Variants in SH3TC1 observed in about 807,000 individuals in gnomAD.
The protein encoded by SH3TC1 is SH3 domain and tetratricopeptide repeats 1, also known as SH3 domain and tetratricopeptide repeat-containing protein 1.
SH3TC1 carries 135 observed loss-of-function variants against 117.3 expected under a neutral mutation model. The ratio of observed to expected loss-of-function variants is 1.15; its 90% CI spans 1.00 to 1.33. The LOEUF is 1.33. Among genes scored for constraint, SH3TC1 ranks in the 40% most tolerant of loss-of-function variants. SH3TC1 has a pLI of 0.00. For missense variants in SH3TC1, 2,092 were observed against 1,794.3 expected (o/e 1.17, Z -3.00); for synonymous variants, 898 against 816.9 (o/e 1.10, Z -1.69).
chr4:8,205,757 G>C lies in SH3TC1; in HGVS notation c.172+391G>C. 1 of 670,266 alleles carries C rather than the reference G, an allele frequency of 1.5e-6. No individual in the cohort carries two copies. The highest frequency in any genetic ancestry group is 2.7e-6 in the Non-Finnish European group (1 of 363,860). 41.5% of individuals were successfully genotyped at this position (670,266 alleles called of 1,614,324 possible). A position where few individuals can be genotyped will look rare whatever the true frequency, so the allele number is the denominator to read the frequency against. ...TTCTCCAGGAGGCACCCAAGGTGCA[G>C]AGAGGGAAGGGCCGGGCCAGGCCAC... On this transcript the variant is annotated intron_variant, in intron 2 of 17. Coordinates refer to ENST00000245105, the MANE Select transcript of SH3TC1 (RefSeq NM_018986.5). This position sits in a 1 kb window ranked among gnomAD's most constrained non-coding sequence, Gnocchi z 5.4.
Position 8,227,328 on chromosome 4 carries a change from A to G in SH3TC1, c.1634A>G (p.Gln545Arg). 1 of 1,608,122 alleles carries G rather than the reference A, an allele frequency of 6.2e-7. No homozygotes were observed. The highest frequency in any genetic ancestry group is 8.5e-7 in the Non-Finnish European group (1 of 1,177,998). ...DEEELTGRLAQARGAAKKAGL... is the reference protein window; with the variant it reads ...DEEELTGRLARARGAAKKAGL... ...GAGGAGCTGACTGGGCGCCTGGCACAGGCCCGGGGGGCGGCCAAGAAAGCT... is the reference window on the plus strand; with the variant it reads ...GAGGAGCTGACTGGGCGCCTGGCACGGGCCCGGGGGGCGGCCAAGAAAGCT... The change falls in exon 12 of 18, where the codon CAG (glutamine) becomes CGG (arginine). Residue 545 changes from glutamine to arginine, a missense_variant. Coordinates refer to ENST00000245105, the MANE Select transcript of SH3TC1 (RefSeq NM_018986.5).
At chr4:8,222,727 G>C (rs1452895790) in intron 9 of SH3TC1, 113 bp from the exon 10 acceptor site, 2 of 1,335,466 alleles carry the variant, frequency 1.5e-6, no homozygotes, top group Non-Finnish European at 2.1e-6. Context: ...CCTGGGCAGA[G>C]AGTAGTGCTC....
chr4:8,229,752 A>T (rs1720965264), intron 12 of SH3TC1, among the ~76,000 whole-genome samples: 1 of 151,960 alleles, frequency 6.6e-6, no homozygotes, highest in Admixed American at 6.5e-5. Flanking sequence ...CCATTCTCTG[A>T]CTGCAAGGAG....
chr4:8,228,312 T>C lies in SH3TC1; in HGVS notation c.2618T>C (p.Leu873Pro). The change falls in exon 12 of 18, where the codon CTG becomes CCG. Residue 873 changes from leucine (L) to proline (P), a missense_variant. Transcript: ENST00000245105. ...GVIANMVAVALKRTGRTRQAA... is the reference protein window; with the variant it reads ...GVIANMVAVAPKRTGRTRQAA... ...ATTGCCAACATGGTGGCCGTGGCTC[T>C]GAAGAGGACGGGCCGGACGAGGCAG... 6.2e-7 allele frequency: 1 copy of C among 1,612,212 alleles called. No individual in the cohort carries two copies. Among genetic ancestry groups the C allele is most frequent in the Non-Finnish European group, 8.5e-7 (1 of 1,179,910 alleles).
intron 1 of SH3TC1, among the ~76,000 whole-genome samples, chr4:8,191,745 C>T (rs1717421779): frequency 6.6e-6 from 1 of 152,086 alleles, no homozygotes; most frequent in South Asian, 2.1e-4. Context: ...GTCCTTCCCC[C>T]CATTCTTGGG....
chr4:8,217,143 C>A lies in SH3TC1; in HGVS notation c.815C>A (p.Pro272Gln). ...GAGGAGGTGGCAGTGGCGGCCGCCCCGGAGCCTTTGATTCCATTTCATCAG... is the reference window on the plus strand; with the variant it reads ...GAGGAGGTGGCAGTGGCGGCCGCCCAGGAGCCTTTGATTCCATTTCATCAG... ...SSEEVAVAAA[P>Q]EPLIPFHQWA... Residue 272 changes from proline to glutamine, a missense_variant, in exon 7 of 18, where the codon CCG (proline) becomes CAG (glutamine). Coordinates refer to ENST00000245105, the MANE Select transcript of SH3TC1 (RefSeq NM_018986.5). The A allele has an allele frequency of 1.2e-6, 2 of 1,611,034 alleles. No individual in the cohort carries two copies. The highest frequency in any genetic ancestry group is 1.7e-6 in the Non-Finnish European group (2 of 1,178,884).
chr4:8,237,407 G>A (rs890833187), intron 16 of SH3TC1, 67 bp from the exon 17 acceptor site: 5 of 1,390,066 alleles, frequency 3.6e-6, no homozygotes, highest in African/African-American at 1.5e-5. Context: ...GCCAGGTGCT[G>A]CCGGGGTCTG....
At chr4:8,234,814 C>T (rs1202231912) in intron 14 of SH3TC1, among the ~76,000 whole-genome samples, 1 of 152,346 alleles carries the variant, frequency 6.6e-6, no homozygotes, top group East Asian at 1.9e-4. Flanking sequence ...AATAATGTGG[C>T]CTCTCAGTTA....
At chr4:8,207,746 G>A (rs994698751) in intron 2 of SH3TC1, among the ~76,000 whole-genome samples, 2 of 152,134 alleles carry the variant, frequency 1.3e-5, no homozygotes, top group East Asian at 1.9e-4. Context: ...TAGTGGGTGC[G>A]TCCTCACTTT....
chr4:8,236,406 C>A lies in SH3TC1; in HGVS notation c.3534C>A (p.Ala1178=), dbSNP rs954833212. The A allele has an allele frequency of 1.3e-6, 2 of 1,512,244 alleles. No homozygotes were observed. The allele number at this position is 1,512,244 out of a possible 1,614,324, so 93.7% of individuals were successfully genotyped here. The change falls in exon 16 of 18, where the codon GCC becomes GCA. Residue 1178 remains alanine (A), a synonymous_variant. Transcript: ENST00000245105. ...PQEGLEFAHM[A]LALSITLGDR... is the part of the protein sequence containing the mutation. ...AGGGCTTGGAGTTTGCCCACATGGC[C>A]CTAGCACTCAGCATCACCCTGGGTA...
At chr4:8,218,139 C>T (rs553645547) in intron 7 of SH3TC1, 132 bp from the exon 8 acceptor site, 45 of 590,758 alleles carry the variant, frequency 7.6e-5, no homozygotes, top group East Asian at 8.5e-5. Flanking sequence ...TGTGTGTGCA[C>T]GTGTGTGTGT....
chr4:8,226,083 G>A (rs1235512747), intron 11 of SH3TC1, among the ~76,000 whole-genome samples: 1 of 152,172 alleles, frequency 6.6e-6, no homozygotes, highest in African/African-American at 2.4e-5. Context: ...CTTTACAGAT[G>A]AATAAGGAGA....
rs142898849 is a variant in SH3TC1 at position 8,233,375 on chromosome 4, C to T, written c.3144C>T (p.Ser1048=). Residue 1048 remains serine, a synonymous_variant, in exon 14 of 18, where the codon TCC becomes TCT. Coordinates refer to ENST00000245105, the MANE Select transcript of SH3TC1 (RefSeq NM_018986.5). Reference sequence around the variant, plus strand: ...TGTCTGATACCAGGGCCTACAAATCCGCACTGGACTACACCAAACGAAGTC... The same window carrying T: ...TGTCTGATACCAGGGCCTACAAATCTGCACTGGACTACACCAAACGAAGTC... ...LSLGTERAYK[S]ALDYTKRSLG... 3.9e-5 allele frequency: 62 copies of T among 1,608,820 alleles called. 1 individual carries two copies. The highest frequency in any genetic ancestry group is 2.4e-4 in the South Asian group (22 of 90,082).
intron 2 of SH3TC1, among the ~76,000 whole-genome samples, chr4:8,207,898 C>T (rs547027507): frequency 6.6e-6 from 1 of 152,170 alleles, no homozygotes; most frequent in Non-Finnish European, 1.5e-5. Context: ...GGCCGGAACT[C>T]TATCAACTTC....
Position 8,240,712 on chromosome 4 carries a change from AG to A in SH3TC1, c.3769del (p.Ala1257ProfsTer21). 1 of 1,614,014 alleles carries A rather than the reference AG, an allele frequency of 6.2e-7. No individual in the cohort carries two copies. Among genetic ancestry groups the A allele is most frequent in the South Asian group, 1.1e-5 (1 of 91,090 alleles). ...GTCCCCTTCAGGACCCGTTTGATGC[AG>A]CCGGGTACTACCAGCTGGCGCTGGC... The part of the protein sequence containing the change: ...FYDLKDPFDA[A>X]GYYQLALAAA... On this transcript the variant is annotated frameshift_variant, in exon 18 of 18. Coordinates refer to ENST00000245105, the MANE Select transcript of SH3TC1 (RefSeq NM_018986.5). LOFTEE classifies it low-confidence loss of function (END_TRUNC).
upstream of SH3TC1, among the ~76,000 whole-genome samples, chr4:8,197,477 G>T (rs966717104): frequency 2.0e-5 from 3 of 152,214 alleles, no homozygotes; most frequent in African/African-American, 7.2e-5. Flanking sequence ...GTCCCCGCAG[G>T]GAAGAAGAGC....
At chr4:8,235,592 G>C in intron 15 of SH3TC1, 37 bp downstream of exon 15, 2 of 1,525,528 alleles carry the variant, frequency 1.3e-6, no homozygotes, top group Non-Finnish European at 1.8e-6. Flanking sequence ...GTGGGCCCCA[G>C]GGGGGGCACC....
In SH3TC1 at chr4:8,227,764, G is replaced by A; in HGVS notation, c.2070G>A (p.Arg690=). 2 of 1,611,964 alleles carry A rather than the reference G, an allele frequency of 1.2e-6. No individual in the cohort carries two copies. The highest frequency in any genetic ancestry group is 1.7e-6 in the Non-Finnish European group (2 of 1,179,498). The change falls in exon 12 of 18, where the codon CGG becomes CGA. Residue 690 remains arginine (R), a synonymous_variant. Transcript: ENST00000245105. ...AGGAGGCCCTGCCCTTCCTAGAGCGGCTGCTGCTTTTGCACAGGGACTCGG... is the reference window on the plus strand; with the variant it reads ...AGGAGGCCCTGCCCTTCCTAGAGCGACTGCTGCTTTTGCACAGGGACTCGG... ...QPEEALPFLE[R]LLLLHRDSGA...
upstream of SH3TC1, among the ~76,000 whole-genome samples, chr4:8,198,658 A>G (rs764297564): frequency 1.8e-4 from 28 of 152,156 alleles, no homozygotes; most frequent in Non-Finnish European, 1.5e-4. Flanking sequence ...GTGGGAGGGT[A>G]AAGAGGTAGA....
Sources: gnomAD v4.1 joint callset for allele counts (sites outside exome capture counted in the v4.1 genomes callset) on GRCh38, gnomAD v4.1.1 for gene constraint, Gnocchi (gnomAD v3.1) non-coding constraint, MANE v1.5 for transcripts, NCBI Gene and HGNC (gene_info 2026-07-23, HGNC 2026-07-21) for gene names.